The following WDR7 variants were observed in gnomAD, a reference collection of about 807,000 sequenced individuals.
WDR7 encodes the protein WD repeat-containing protein 7.
A neutral mutation model predicts 169.4 loss-of-function variants in WDR7; 46 were observed. The observed-to-expected ratio is 0.27, with a 90% CI of 0.21 to 0.35. The LOEUF is 0.35. Among genes scored for constraint, WDR7 ranks in the 10% least tolerant of loss-of-function variants. The probability of loss-of-function intolerance (pLI) is 1.00; values close to 1 mark genes in which losing one functional copy is unlikely to be tolerated. For synonymous variants in WDR7, 612 were observed against 666.8 expected, an observed-to-expected ratio of 0.92 and a Z score of 1.27; for missense variants, 1,534 against 1,859.3, an observed-to-expected ratio of 0.83 and a Z score of 3.22.
intron 26 of WDR7, among the ~76,000 whole-genome samples, chr18:56,973,507 T>A (rs2047522311): frequency 6.6e-6 from 1 of 152,084 alleles, no homozygotes; most frequent in African/African-American, 2.4e-5. Flanking sequence ...GGGGGTGTAT[T>A]CCACCTATAT....
chr18:57,013,588 G>A (rs983120262), intron 26 of WDR7, among the ~76,000 whole-genome samples: 2 of 152,238 alleles, frequency 1.3e-5, no homozygotes, highest in African/African-American at 4.8e-5. Context: ...GTAAATTGGA[G>A]AAGAGAGAAA....
At chr18:56,917,151 C>G (rs1410801013) in intron 21 of WDR7, among the ~76,000 whole-genome samples, 1 of 151,940 alleles carries the variant, frequency 6.6e-6, no homozygotes, top group African/African-American at 2.4e-5. Context: ...GAGCCGAGAT[C>G]ATGCCGTTGC....
chr18:56,928,656 A>G (rs1239530030), intron 22 of WDR7, among the ~76,000 whole-genome samples: 2 of 152,164 alleles, frequency 1.3e-5, no homozygotes, highest in South Asian at 2.1e-4. Context: ...CAGTCCTTCT[A>G]TTGAATGCTT....
At chr18:56,884,280 T>C (rs1190174441) in intron 21 of WDR7, among the ~76,000 whole-genome samples, 1 of 152,212 alleles carries the variant, frequency 6.6e-6, no homozygotes, top group East Asian at 1.9e-4. Context: ...TTTTTTCATA[T>C]GTTTGTTGGC....
Position 56,949,458 on chromosome 18 carries a change from A to G in WDR7, c.4064+10065A>G, listed in dbSNP as rs1485987506. On this transcript the variant is annotated intron_variant, in intron 25 of 27. Transcript: ENST00000254442. ...CATTTGTCAGATCTCTTTACTGTCT[A>G]GAAGACAGGTGGAATTTAATATCTA... Among the ~76,000 whole-genome samples, 10 of 152,234 alleles carry G rather than the reference A, an allele frequency of 6.6e-5. No individual in the cohort carries two copies. The South Asian group carries it at 1.4e-3, about 22-fold the overall frequency.
chr18:56,793,773 CTT>C (rs2044534147), intron 19 of WDR7, among the ~76,000 whole-genome samples: 1 of 152,162 alleles, frequency 6.6e-6, no homozygotes. Flanking sequence ...ACATATTCCT[CTT>C]ATATATTTGG....
chr18:56,704,555 A>G (rs2025906631), intron 12 of WDR7, among the ~76,000 whole-genome samples: 1 of 152,172 alleles, frequency 6.6e-6, no homozygotes, highest in African/African-American at 2.4e-5. Context: ...AATATTATGT[A>G]TACATTCAAA....
At chr18:56,666,090 G>A (rs142883415) in intron 1 of WDR7, among the ~76,000 whole-genome samples, 1 of 151,960 alleles carries the variant, frequency 6.6e-6, no homozygotes, top group Non-Finnish European at 1.5e-5. Context: ...TGACAACCTG[G>A]GCTTGTCTGC....
intron 21 of WDR7, among the ~76,000 whole-genome samples, chr18:56,887,279 C>T (rs916218045): frequency 2.6e-5 from 4 of 152,054 alleles, no homozygotes; most frequent in South Asian, 4.2e-4. Flanking sequence ...CTGGGCTGAA[C>T]GGCACTATGG....
intron 1 of WDR7, 133 bp from the exon 2 acceptor site, chr18:56,672,360 TAATA>T (rs149913935): frequency 0.012 from 5,222 of 425,846 alleles, 218 homozygotes; most frequent in African/African-American, 0.098. Context: ...TTTTTGAAAA[TAATA>T]AATATTTAAG....
chr18:56,654,226 G>A (rs937654333), intron 1 of WDR7, among the ~76,000 whole-genome samples: 2 of 152,074 alleles, frequency 1.3e-5, no homozygotes, highest in African/African-American at 2.4e-5. Context: ...CTGTCTCCCA[G>A]GTTCAAGCGA....
chr18:56,778,005 A>G (rs1207341048), intron 17 of WDR7, among the ~76,000 whole-genome samples: 2 of 152,190 alleles, frequency 1.3e-5, no homozygotes, highest in Admixed American at 6.5e-5. Flanking sequence ...TAGCTCATGA[A>G]TACACTTTAT....
intron 26 of WDR7, among the ~76,000 whole-genome samples, chr18:56,994,715 C>G (rs1180021363): frequency 6.6e-6 from 1 of 152,194 alleles, no homozygotes; most frequent in Non-Finnish European, 1.5e-5. Flanking sequence ...TATCCATGAA[C>G]TATACCCTGT....
downstream of WDR7, chr18:57,030,425 G>A (rs2145965901): frequency 6.6e-6 from 1 of 152,264 alleles, no homozygotes; most frequent in Admixed American, 6.5e-5. Flanking sequence ...AATGCCCACT[G>A]TGGGCCCCAG....
At chr18:56,804,730 T>C (rs183509743) in intron 19 of WDR7, among the ~76,000 whole-genome samples, 12 of 152,342 alleles carry the variant, frequency 7.9e-5, no homozygotes, top group Admixed American at 3.9e-4. Flanking sequence ...GATCAAAAAC[T>C]GCGACAGATC....
At chr18:56,730,333 A>G (rs534404467) in intron 13 of WDR7, among the ~76,000 whole-genome samples, 1 of 152,356 alleles carries the variant, frequency 6.6e-6, no homozygotes, top group East Asian at 1.9e-4. Context: ...AGAATAACTC[A>G]TTGAAAATGT....
chr18:56,974,249 A>G (rs2047532482), intron 26 of WDR7, among the ~76,000 whole-genome samples: 1 of 151,910 alleles, frequency 6.6e-6, no homozygotes, highest in Non-Finnish European at 1.5e-5. Flanking sequence ...TATATATCCT[A>G]TGTAACCTGA....
the WDR7 span, chr18:57,036,233 G>A: frequency 0.2 from 31,085 of 152,220 alleles, 3,680 homozygotes; most frequent in Non-Finnish European, 0.27. Context: ...GCGGGGCAAA[G>A]GGTGAAGGCA....
intron 16 of WDR7, among the ~76,000 whole-genome samples, chr18:56,773,691 A>T (rs900631893): frequency 3.9e-5 from 6 of 152,130 alleles, no homozygotes; most frequent in Non-Finnish European, 7.4e-5. Context: ...CAAATGTTTC[A>T]TGTTGATTTA....
Sources: allele counts gnomAD v4.1 joint callset (sites outside exome capture counted in the v4.1 genomes callset), GRCh38; gene constraint gnomAD v4.1.1; transcripts MANE v1.5; gene names NCBI Gene and HGNC (gene_info 2026-07-23, HGNC 2026-07-21).